The following ERAP1 variants were observed in gnomAD, a reference collection of about 807,000 sequenced individuals.
The protein encoded by ERAP1 is adipocyte-derived leucine aminopeptidase.
A neutral mutation model predicts 103.7 loss-of-function variants in ERAP1; 86 were observed. That is an observed-to-expected ratio of 0.83 (90% CI 0.70 to 0.99). The LOEUF is 0.99. Among genes scored for constraint, ERAP1 ranks in the 50% least tolerant of loss-of-function variants. ERAP1 has a pLI of 0.00. For missense variants in ERAP1, 1,009 were observed against 1,128.4 expected, an observed-to-expected ratio of 0.89 and a Z score of 1.52; for synonymous variants, 398 against 402.4, an observed-to-expected ratio of 0.99 and a Z score of 0.13.
the ERAP1 span, among the ~76,000 whole-genome samples, chr5:96,925,913 T>C: frequency 7.1e-6 from 1 of 141,224 alleles, no homozygotes; most frequent in Non-Finnish European, 1.6e-5. Context: ...ATAATTTGCT[T>C]TTTTTTTTTT....
intron 14 of ERAP1, among the ~76,000 whole-genome samples, chr5:96,783,638 A>G (rs1775560513): frequency 6.6e-6 from 1 of 152,198 alleles, no homozygotes; most frequent in Non-Finnish European, 1.5e-5. Context: ...AGCCATTGTA[A>G]TAGGAAAGGA....
At chr5:96,787,844 A>G (rs1776264616) in intron 11 of ERAP1, among the ~76,000 whole-genome samples, 1 of 151,252 alleles carries the variant, frequency 6.6e-6, no homozygotes, top group Non-Finnish European at 1.5e-5. Context: ...ACACACACAC[A>G]TATATCCACA....
chr5:96,879,867 G>T, the ERAP1 span: 2 of 1,614,132 alleles, frequency 1.2e-6, no homozygotes, highest in Non-Finnish European at 1.7e-6. Context: ...AATGGGGAAC[G>T]ATTTCCTTGG....
chr5:96,893,513 C>T, the ERAP1 span, among the ~76,000 whole-genome samples: 6 of 152,142 alleles, frequency 3.9e-5, no homozygotes, highest in African/African-American at 1.4e-4. Context: ...GATCATGAGT[C>T]ACCAGGAGCT....
chr5:96,848,581 T>C, the ERAP1 span: 1 of 152,144 alleles, frequency 6.6e-6, no homozygotes, highest in South Asian at 2.1e-4. Flanking sequence ...AACTCCATCA[T>C]GAAGAAATAA....
chr5:96,920,421 A>G, the ERAP1 span, among the ~76,000 whole-genome samples: 2 of 152,292 alleles, frequency 1.3e-5, no homozygotes, highest in African/African-American at 4.8e-5. Context: ...GAGGTTCTAG[A>G]TGAGCAGAAC....
Position 96,798,019 on chromosome 5 carries a change from C to A in ERAP1, c.664-710G>T, listed in dbSNP as rs530809742. ...TGTAGTACCTAAAAGAGCTTCTGTT[C>A]TGCTGTATAACTGAAAGTAACCTGG... On this transcript the variant is annotated intron_variant, in intron 3 of 18. Coordinates refer to ENST00000443439, the MANE Select transcript of ERAP1 (RefSeq NM_001040458.3). Among the ~76,000 whole-genome samples, 126 of 152,160 alleles carry A rather than the reference C, an allele frequency of 8.3e-4. 1 individual carries two copies. The highest frequency in any genetic ancestry group is 4.6e-3 in the South Asian group (22 of 4,816).
chr5:96,902,304 C>A, the ERAP1 span: 1 of 1,612,306 alleles, frequency 6.2e-7, no homozygotes, highest in Middle Eastern at 1.7e-4. Context: ...TGACCTACTC[C>A]ACGAGTTCTT....
chr5:96,866,744 C>T, the ERAP1 span, among the ~76,000 whole-genome samples: 10 of 152,214 alleles, frequency 6.6e-5, no homozygotes, highest in African/African-American at 2.4e-4. Flanking sequence ...GACCTGCTGA[C>T]ACAAGCTGGA....
chr5:96,779,696 A>T (rs1246308177), intron 18 of ERAP1: 1 of 153,794 alleles, frequency 6.5e-6, no homozygotes, highest in African/African-American at 2.4e-5. Context: ...TATAGAAGGG[A>T]CACCACAGAA....
chr5:96,792,162 C>A lies in ERAP1; in HGVS notation c.1219G>T (p.Ala407Ser), dbSNP rs376696268. ...GDYFFGKCFD[A>S]MEVDALNSSH... ...GAATTTAAAGCATCTACCTCCATTGCGTCAAAACATTTGCCAAAGAAATAA... is the reference window on the plus strand; with the variant it reads ...GAATTTAAAGCATCTACCTCCATTGAGTCAAAACATTTGCCAAAGAAATAA... Residue 407 changes from alanine (A) to serine (S), a missense_variant, in exon 8 of 19, where the codon GCA (alanine) becomes TCA (serine). Ala to Ser is a moderately conservative substitution (Grantham distance 99). Coordinates refer to ENST00000443439, the MANE Select transcript of ERAP1 (RefSeq NM_001040458.3). 1 of 1,613,616 alleles carries A rather than the reference C, an allele frequency of 6.2e-7. No homozygotes were observed. The highest frequency in any genetic ancestry group is 8.5e-7 in the Non-Finnish European group (1 of 1,179,566).
chr5:96,854,985 T>TA, the ERAP1 span, among the ~76,000 whole-genome samples: 7,278 of 152,290 alleles, frequency 0.048, 214 homozygotes, highest in South Asian at 0.11. Flanking sequence ...TTCAAACCAC[T>TA]AAATAAGTCA....
At chr5:96,794,990 CTA>C in intron 5 of ERAP1, 50 bp downstream of exon 5, 1 of 1,605,948 alleles carries the variant, frequency 6.2e-7, no homozygotes, top group Non-Finnish European at 8.5e-7. Context: ...AATGACAAAT[CTA>C]TGACTGTGTT....
the ERAP1 span, chr5:96,873,729 A>C: frequency 3.2e-6 from 1 of 314,464 alleles, no homozygotes; most frequent in South Asian, 2.6e-5. Flanking sequence ...GCATTCACCC[A>C]CTCAACTAAC....
the ERAP1 span, among the ~76,000 whole-genome samples, chr5:96,898,572 C>CAAAAAAAAAAAAAA: frequency 2.1e-5 from 2 of 94,442 alleles, no homozygotes; most frequent in African/African-American, 8.5e-5. Flanking sequence ...TACTAAAATA[C>CAAAAAAAAAAAAAA]AAAAAAAAAA....
At chr5:96,916,928 G>A in the ERAP1 span, among the ~76,000 whole-genome samples, 1 of 151,932 alleles carries the variant, frequency 6.6e-6, no homozygotes, top group Non-Finnish European at 1.5e-5. Context: ...GCCACATTGT[G>A]GTCACTTGTA....
chr5:96,874,136 G>GAGAAAGAAAGAAAGAAAGAA, the ERAP1 span, among the ~76,000 whole-genome samples: 278 of 118,878 alleles, frequency 2.3e-3, 2 homozygotes, highest in Middle Eastern at 3.8e-3. Context: ...GAAAGAGAGA[G>GAGAAAGAAAGAAAGAAAGAA]AGAAAGAAAG....
chr5:96,832,777 G>A, the ERAP1 span, among the ~76,000 whole-genome samples: 3 of 151,990 alleles, frequency 2.0e-5, no homozygotes, highest in Admixed American at 6.5e-5. Context: ...CGATTTTATC[G>A]ATGTTCTTCC....
At chr5:96,816,614 C>T in the ERAP1 span, among the ~76,000 whole-genome samples, 2 of 152,128 alleles carry the variant, frequency 1.3e-5, no homozygotes, top group Non-Finnish European at 2.9e-5. Context: ...GCACCTCCCA[C>T]CATGGGTTTC....
Sources: allele counts gnomAD v4.1 joint callset (sites outside exome capture counted in the v4.1 genomes callset), GRCh38; gene constraint gnomAD v4.1.1; transcripts MANE v1.5; gene names NCBI Gene and HGNC (gene_info 2026-07-23, HGNC 2026-07-21).